The following TBC1D14 variants were observed in gnomAD, a reference collection of about 807,000 sequenced individuals.
TBC1D14 encodes the protein TBC1 domain family, member 14.
A neutral mutation model predicts 79.0 loss-of-function variants in TBC1D14; 26 were observed. That is an observed-to-expected ratio of 0.33 (90% CI 0.24 to 0.46). TBC1D14 has a LOEUF of 0.46. TBC1D14 is among the 20% of genes least tolerant of loss of function. The pLI is 1.00. For synonymous variants in TBC1D14, 394 were observed against 349.9 expected (o/e 1.13, Z -1.40); for missense variants, 769 against 887.6 (o/e 0.87, Z 1.70).
At chr4:6,963,540 G>A (rs1022543081) in intron 2 of TBC1D14, among the ~76,000 whole-genome samples, 3 of 152,210 alleles carry the variant, frequency 2.0e-5, no homozygotes, top group African/African-American at 7.2e-5. Context: ...AGTAGGTGCA[G>A]CTCCTTGGCT....
chr4:6,936,060 C>G (rs370903160), intron 2 of TBC1D14, among the ~76,000 whole-genome samples: 2 of 152,144 alleles, frequency 1.3e-5, no homozygotes, highest in African/African-American at 4.8e-5. Flanking sequence ...CATGTATCTC[C>G]TTTTTACCCT....
intron 3 of TBC1D14, chr4:6,987,316 C>T: frequency 7.1e-7 from 1 of 1,399,876 alleles, no homozygotes; most frequent in East Asian, 3.1e-5. Flanking sequence ...CATGGAGCCT[C>T]CGGCCGCGCG....
chr4:6,968,671 G>A (rs1401864371), intron 3 of TBC1D14, among the ~76,000 whole-genome samples: 1 of 152,076 alleles, frequency 6.6e-6, no homozygotes, highest in Non-Finnish European at 1.5e-5. Flanking sequence ...GAGGCTGACC[G>A]CCGGGAGGAG....
At chr4:6,994,702 A>G (rs541848295) in intron 4 of TBC1D14, among the ~76,000 whole-genome samples, 1 of 152,138 alleles carries the variant, frequency 6.6e-6, no homozygotes, top group Non-Finnish European at 1.5e-5. Context: ...ACAAAATACT[A>G]AAAATACAAA....
rs1445450329 is a variant in TBC1D14 at position 6,988,888 on chromosome 4, T to TC, written c.844-5296_844-5295insC. ...TTTTTTCTTTCTTTCTTTCTTTCTT[T>TC]TTTTTTTTTTTTTTTTTTTTGAGAC... On this transcript the variant is annotated intron_variant, in intron 3 of 13. Transcript: ENST00000409757. 1.1e-3 allele frequency among the ~76,000 whole-genome samples: 116 copies of TC among 107,634 alleles called. 2 individuals carry two copies. The highest frequency in any genetic ancestry group is 1.6e-3 in the Non-Finnish European group (84 of 52,242). 70.6% of individuals were successfully genotyped at this position (107,634 alleles called of 152,430 possible).
At chr4:6,950,689 G>A (rs1713957380) in intron 2 of TBC1D14, among the ~76,000 whole-genome samples, 1 of 128,084 alleles carries the variant, frequency 7.8e-6, no homozygotes, top group Admixed American at 7.4e-5. Flanking sequence ...GATAACTTAT[G>A]TTTTCTCCTT....
Position 6,987,936 on chromosome 4 carries a change from A to T in TBC1D14, c.844-6248A>T, listed in dbSNP as rs115194121. 8.7e-3 allele frequency among the ~76,000 whole-genome samples: 1,323 copies of T among 152,376 alleles called. 7 individuals are homozygous for T. Among genetic ancestry groups the T allele is most frequent in the Non-Finnish European group, 0.012 (846 of 68,034 alleles). ...TGAGAGTGCTTCCCAGAATGCCAACATTCCCAGTAACTTAGAGAACGCTTT... is the reference window on the plus strand; with the variant it reads ...TGAGAGTGCTTCCCAGAATGCCAACTTTCCCAGTAACTTAGAGAACGCTTT... On this transcript the variant is annotated intron_variant, in intron 3 of 13. Transcript: ENST00000409757.
At chr4:6,959,988 A>C (rs143609429) in intron 2 of TBC1D14, among the ~76,000 whole-genome samples, 1 of 151,926 alleles carries the variant, frequency 6.6e-6, no homozygotes, top group East Asian at 1.9e-4. Flanking sequence ...TTTTTTATGA[A>C]CTTTTTTCCA....
At chr4:6,939,318 C>A (rs980680963) in intron 2 of TBC1D14, among the ~76,000 whole-genome samples, 1 of 152,052 alleles carries the variant, frequency 6.6e-6, no homozygotes, top group Admixed American at 6.5e-5. Context: ...GAAGAATCCA[C>A]AGGAGCCCCC....
chr4:7,014,674 C>G lies in TBC1D14; in HGVS notation c.1757+117C>G, dbSNP rs997999511. The G allele has an allele frequency of 8.5e-6, 6 of 703,176 alleles. No homozygotes were observed. In the South Asian group the frequency reaches 9.9e-5, roughly 12 times the overall value. 43.6% of individuals were successfully genotyped at this position (703,176 alleles called of 1,614,324 possible). A position where few individuals can be genotyped will look rare whatever the true frequency, so the allele number is the denominator to read the frequency against. On this transcript the variant is annotated intron_variant, in intron 12 of 13. Coordinates refer to ENST00000409757, the MANE Select transcript of TBC1D14 (RefSeq NM_020773.3). Reference sequence around the variant, plus strand: ...TGAGTCCTCATATCCTGCTTTCCAGCCTTCCCTGATGGCCCTGCCCTTGAG... The same window carrying G: ...TGAGTCCTCATATCCTGCTTTCCAGGCTTCCCTGATGGCCCTGCCCTTGAG...
chr4:6,932,717 G>C (rs1711877367), intron 2 of TBC1D14, among the ~76,000 whole-genome samples: 2 of 152,152 alleles, frequency 1.3e-5, no homozygotes, highest in African/African-American at 4.8e-5. Flanking sequence ...TTGAACTCCT[G>C]GGCTCAAAAG....
chr4:6,935,343 A>G (rs1186676895), intron 2 of TBC1D14, among the ~76,000 whole-genome samples: 1 of 152,198 alleles, frequency 6.6e-6, no homozygotes, highest in Admixed American at 6.5e-5. Context: ...ATCCGGGAGA[A>G]GAGAGAATCA....
At chr4:6,983,569 G>A (rs1005547675) in intron 3 of TBC1D14, among the ~76,000 whole-genome samples, 4 of 152,180 alleles carry the variant, frequency 2.6e-5, no homozygotes, top group Non-Finnish European at 5.9e-5. Context: ...TCGTTTGGTG[G>A]AGAACAGGTC....
intron 2 of TBC1D14, among the ~76,000 whole-genome samples, chr4:6,935,757 C>T (rs1200351781): frequency 6.6e-6 from 1 of 152,034 alleles, no homozygotes; most frequent in Non-Finnish European, 1.5e-5. Flanking sequence ...GATTCTCCTG[C>T]CACAGCCTCC....
At chr4:6,926,203 G>A (rs1174147995) in intron 2 of TBC1D14, among the ~76,000 whole-genome samples, 1 of 152,348 alleles carries the variant, frequency 6.6e-6, no homozygotes, top group Non-Finnish European at 1.5e-5. Context: ...TGGGGATAAT[G>A]AGCCCTTCCT....
chr4:6,994,354 A>T (rs753977703), intron 4 of TBC1D14, 52 bp downstream of exon 4: 1 of 1,531,064 alleles, frequency 6.5e-7, no homozygotes, highest in African/African-American at 1.4e-5. Flanking sequence ...AATAAGTACA[A>T]CTTGCTAAGC....
intron 12 of TBC1D14, among the ~76,000 whole-genome samples, chr4:7,017,668 T>C (rs1721418006): frequency 1.3e-5 from 2 of 152,218 alleles, no homozygotes; most frequent in South Asian, 4.1e-4. Flanking sequence ...TCCACTGTGC[T>C]TTGACGAGGC....
chr4:6,987,216 C>T, intron 3 of TBC1D14: 2 of 1,241,126 alleles, frequency 1.6e-6, no homozygotes, highest in Non-Finnish European at 2.0e-6. Context: ...GCCGCCCCGC[C>T]CCGCCCCGCG....
rs1367453053 is a variant in TBC1D14 at position 7,004,929 on chromosome 4, A to G, written c.1351+5A>G. ...GCTCTGAAGTGGAGAACGAAGGTAG[A>G]ATGTCTTCTAAAACCAGCGGACTGC... On this transcript the variant is annotated splice_donor_5th_base_variant and intron_variant, in intron 8 of 13. Transcript: ENST00000409757. The G allele has an allele frequency of 3.1e-6, 5 of 1,613,754 alleles. No individual in the cohort carries two copies. Among genetic ancestry groups the G allele is most frequent in the Non-Finnish European group, 4.2e-6 (5 of 1,179,672 alleles).
Sources: gnomAD v4.1 joint callset for allele counts (sites outside exome capture counted in the v4.1 genomes callset) on GRCh38, gnomAD v4.1.1 for gene constraint, MANE v1.5 for transcripts, NCBI Gene and HGNC (gene_info 2026-07-23, HGNC 2026-07-21) for gene names.